The following NFATC3 variants were observed in gnomAD, a reference collection of about 807,000 sequenced individuals.
The protein encoded by NFATC3 is nuclear factor of activated T-cells, cytoplasmic 3.
In NFATC3, 46 loss-of-function variants were observed where a neutral mutation model predicts 98.6. The ratio of observed to expected loss-of-function variants is 0.47; its 90% confidence interval spans 0.37 to 0.60. The LOEUF (loss-of-function observed/expected upper bound fraction) is 0.60, where lower values mean the gene tolerates loss of function less well. Among genes scored for constraint, NFATC3 ranks in the 20% least tolerant of loss-of-function variants. The pLI is 0.00. For synonymous variants in NFATC3, 512 were observed against 472.2 expected (o/e 1.08, Z -1.09); for missense variants, 1,256 against 1,295.5 (o/e 0.97, Z 0.47).
At chr16:68,217,652 C>A (rs2041689616) in intron 9 of NFATC3, 4 of 1,231,162 alleles carry the variant, frequency 3.2e-6, no homozygotes, top group Non-Finnish European at 4.0e-6. Flanking sequence ...TTCTCTCACA[C>A]CTCATGATAA....
chr16:68,104,637 G>C (rs1361634339), intron 1 of NFATC3, among the ~76,000 whole-genome samples: 2 of 143,148 alleles, frequency 1.4e-5, no homozygotes, highest in Non-Finnish European at 3.0e-5. Context: ...TGTTAGCTGT[G>C]GGCTTTTCAC....
chr16:68,183,088 TA>T (rs1285646864), intron 7 of NFATC3, 151 bp from the exon 8 acceptor site: 9 of 739,466 alleles, frequency 1.2e-5, no homozygotes, highest in African/African-American at 1.8e-5. Context: ...AGTATCCCTT[TA>T]GTAAATCTCC....
rs1203332291 is a variant in NFATC3, at chr16:68,089,416, CT to C, written c.103+3633del. 8.1e-5 allele frequency: 33 copies of C among 406,282 alleles called. No homozygotes were observed. The Admixed American group carries it at 2.0e-3, about 25-fold the overall frequency. The allele number at this position is 406,282 out of a possible 1,614,324, so 25.2% of individuals were successfully genotyped here. On this transcript the variant is annotated intron_variant, in intron 1 of 9. Transcript: ENST00000346183. ...TTTCCATTAAAGAAAATTTAAGACCCTAGAGTCGTCAGCTTTCTTATTTATT... is the reference window on the plus strand; with the variant it reads ...TTTCCATTAAAGAAAATTTAAGACCCAGAGTCGTCAGCTTTCTTATTTATT...
intron 9 of NFATC3, chr16:68,192,235 ATATATATATATATATATATGTATGTG>A (rs2040456145): frequency 9.4e-6 from 1 of 106,172 alleles, no homozygotes; most frequent in Non-Finnish European, 2.0e-5. Flanking sequence ...AAAAAAATAT[ATATATATATATATATATATGTATGTG>A]TATATATATA....
At chr16:68,091,851 A>G (rs998473429) in intron 1 of NFATC3, among the ~76,000 whole-genome samples, 3 of 152,216 alleles carry the variant, frequency 2.0e-5, no homozygotes, top group African/African-American at 7.2e-5. Flanking sequence ...TATCCAAGTC[A>G]TCAAATTTGC....
intron 6 of NFATC3, among the ~76,000 whole-genome samples, chr16:68,177,693 C>G (rs2039778129): frequency 6.6e-6 from 1 of 152,012 alleles, no homozygotes; most frequent in Non-Finnish European, 1.5e-5. Flanking sequence ...CATCACCTCT[C>G]TTTTATAATT....
intron 1 of NFATC3, among the ~76,000 whole-genome samples, chr16:68,118,147 C>T (rs745752985): frequency 1.3e-4 from 20 of 152,178 alleles, no homozygotes; most frequent in Non-Finnish European, 2.1e-4. Flanking sequence ...CTTCTCTCCC[C>T]AGCCCCGCTG....
chr16:68,097,601 T>G (rs187139153), intron 1 of NFATC3, among the ~76,000 whole-genome samples: 1 of 152,304 alleles, frequency 6.6e-6, no homozygotes, highest in Non-Finnish European at 1.5e-5. Context: ...ACAACAGTAT[T>G]GCAAGGATGG....
chr16:68,085,548 G>T lies in NFATC3; in HGVS notation c.-134G>T, dbSNP rs949782708. 6.3e-5 allele frequency: 46 copies of T among 730,144 alleles called. 3 individuals carry two copies. Among genetic ancestry groups the T allele is most frequent in the Non-Finnish European group, 4.1e-6 (2 of 489,856 alleles). 45.2% of individuals were successfully genotyped at this position (730,144 alleles called of 1,614,324 possible). A position where few individuals can be genotyped will look rare whatever the true frequency, so the allele number is the denominator to read the frequency against. Reference sequence around the variant, plus strand: ...CGCTCGGCGTCGCGGGCCCCGCCCGGAAAGTTTGCCGTGGAGTCGCGACCT... The same window carrying T: ...CGCTCGGCGTCGCGGGCCCCGCCCGTAAAGTTTGCCGTGGAGTCGCGACCT... On this transcript the variant is annotated 5_prime_UTR_variant, in exon 1 of 10. Transcript: ENST00000346183.
chr16:68,131,948 G>A (rs574210282), intron 3 of NFATC3, among the ~76,000 whole-genome samples: 149 of 152,190 alleles, frequency 9.8e-4, no homozygotes, highest in Middle Eastern at 3.4e-3. Flanking sequence ...AAAAAATGTC[G>A]TCTCAGAAGT....
intron 5 of NFATC3, among the ~76,000 whole-genome samples, chr16:68,171,634 C>T (rs569780208): frequency 6.6e-5 from 10 of 151,148 alleles, no homozygotes; most frequent in Non-Finnish European, 8.9e-5. Flanking sequence ...CCACTGTGCC[C>T]GACTAATTTT....
At chr16:68,102,541 C>G (rs1416355507) in intron 1 of NFATC3, among the ~76,000 whole-genome samples, 3 of 152,084 alleles carry the variant, frequency 2.0e-5, no homozygotes, top group Non-Finnish European at 4.4e-5. Context: ...TGATGCCATT[C>G]TGATTCTTGA....
chr16:68,127,866 C>G (rs2036920689), intron 3 of NFATC3, among the ~76,000 whole-genome samples: 1 of 152,082 alleles, frequency 6.6e-6, no homozygotes, highest in East Asian at 1.9e-4. Flanking sequence ...TCTTTACCTC[C>G]TGAATTTTCT....
intron 8 of NFATC3, chr16:68,189,566 CA>C (rs971929287): frequency 2.0e-5 from 3 of 152,280 alleles, no homozygotes; most frequent in African/African-American, 2.4e-5. Context: ...GACTCAAGGA[CA>C]TTTTTTTTAA....
At chr16:68,103,207 T>C (rs2035467212) in intron 1 of NFATC3, among the ~76,000 whole-genome samples, 1 of 151,062 alleles carries the variant, frequency 6.6e-6, no homozygotes, top group Non-Finnish European at 1.5e-5. Flanking sequence ...TTATTATTAT[T>C]ATTATTTTCT....
At chr16:68,100,841 C>T (rs1437272447) in intron 1 of NFATC3, among the ~76,000 whole-genome samples, 2 of 150,806 alleles carry the variant, frequency 1.3e-5, no homozygotes, top group African/African-American at 4.9e-5. Flanking sequence ...AAGTCTTTGC[C>T]CCTTTTTAGA....
intron 9 of NFATC3, chr16:68,224,747 A>G (rs2041986343): frequency 6.6e-6 from 1 of 151,946 alleles, no homozygotes; most frequent in Admixed American, 6.6e-5. Context: ...TTTTGTTCCG[A>G]ACTGTGTAAA....
At chr16:68,192,798 G>A (rs1211251317) in intron 9 of NFATC3, among the ~76,000 whole-genome samples, 1 of 152,144 alleles carries the variant, frequency 6.6e-6, no homozygotes, top group East Asian at 1.9e-4. Flanking sequence ...GAGAGGTTGA[G>A]GCTGCAGTGA....
At chr16:68,169,793 T>C (rs889164302) in intron 5 of NFATC3, among the ~76,000 whole-genome samples, 1 of 151,808 alleles carries the variant, frequency 6.6e-6, no homozygotes, top group Non-Finnish European at 1.5e-5. Flanking sequence ...ATACAAAAAT[T>C]AGCTGGGCAT....
Sources: allele counts gnomAD v4.1 joint callset (sites outside exome capture counted in the v4.1 genomes callset), GRCh38; gene constraint gnomAD v4.1.1; transcripts MANE v1.5; gene names NCBI Gene and HGNC (gene_info 2026-07-23, HGNC 2026-07-21).